Variants in AGAP4 observed in about 807,000 individuals in gnomAD.
The protein encoded by AGAP4 is arf-GAP with GTPase, ANK repeat and PH domain-containing protein 4.
AGAP4 carries 13 observed loss-of-function variants against 60.7 expected under a neutral mutation model. The observed-to-expected ratio is 0.21, with a 90% CI of 0.14 to 0.34. AGAP4 has a LOEUF of 0.34. AGAP4 is among the 10% of genes least tolerant of loss of function. AGAP4 has a pLI of 1.00. For missense variants in AGAP4, 169 were observed against 884.0 expected, an observed-to-expected ratio of 0.19 and a Z score of 10.26; for synonymous variants, 70 against 339.0, an observed-to-expected ratio of 0.21 and a Z score of 8.72.
chr10:45,842,608 C>G (rs2058937267), intron 3 of AGAP4, among the ~76,000 whole-genome samples: 1 of 149,058 alleles, frequency 6.7e-6, no homozygotes, highest in Admixed American at 6.6e-5. Context: ...CACAAAAAAT[C>G]ATTTTTTTTC....
Position 45,834,008 on chromosome 10 carries a change from G to A in AGAP4, c.497+8C>T. On this transcript the variant is annotated splice_region_variant and intron_variant, in intron 5 of 7. Transcript: ENST00000616763. ...GAATCTGTCCCTCGGCAGCATAGTT[G>A]TACTCACGATATTATTGTCATTGTA... 1.9e-6 allele frequency: 3 copies of A among 1,548,406 alleles called. No homozygotes were observed. The highest frequency in any genetic ancestry group is 2.3e-5 in the South Asian group (2 of 88,832).
intron 4 of AGAP4, among the ~76,000 whole-genome samples, chr10:45,837,684 G>A (rs2058844853): frequency 6.6e-6 from 1 of 151,662 alleles, no homozygotes. Context: ...GAATGAAACT[G>A]GATCCTCAAC....
chr10:45,852,233 A>C (rs1240045947), upstream of AGAP4, among the ~76,000 whole-genome samples: 36 of 143,560 alleles, frequency 2.5e-4, no homozygotes, highest in Non-Finnish European at 4.5e-4. Context: ...AAAAAAAAAA[A>C]AAAAAAAAAA....
chr10:45,836,214 TTCCCAA>T, intron 4 of AGAP4, among the ~76,000 whole-genome samples: 1 of 151,058 alleles, frequency 6.6e-6, no homozygotes, highest in South Asian at 2.1e-4. Flanking sequence ...GTTAGGTCTA[TTCCCAA>T]GTATTTTATT....
chr10:45,837,933 G>A (rs1398233692), intron 4 of AGAP4, among the ~76,000 whole-genome samples: 7 of 145,930 alleles, frequency 4.8e-5, no homozygotes, highest in South Asian at 4.3e-4. Flanking sequence ...CCACAGAGTG[G>A]GAGGAAATCT....
At chr10:45,837,686 A>G (rs1439499531) in intron 4 of AGAP4, among the ~76,000 whole-genome samples, 3 of 151,728 alleles carry the variant, frequency 2.0e-5, no homozygotes, top group African/African-American at 7.3e-5. Flanking sequence ...ATGAAACTGG[A>G]TCCTCAACTC....
At chr10:45,850,821 A>G (rs1280608025), upstream of AGAP4, among the ~76,000 whole-genome samples, 1 of 151,694 alleles carries the variant, frequency 6.6e-6, no homozygotes, top group African/African-American at 2.4e-5. Flanking sequence ...GGAGGAAAAG[A>G]CAGTTTTTTA....
chr10:45,830,306 G>A (rs1222487871), intron 6 of AGAP4, among the ~76,000 whole-genome samples: 13 of 135,952 alleles, frequency 9.6e-5, no homozygotes, highest in African/African-American at 3.5e-4. Context: ...CCAAGTAACT[G>A]GGACTACAGG....
intron 2 of AGAP4, among the ~76,000 whole-genome samples, chr10:45,846,072 A>G (rs2058994119): frequency 7.1e-6 from 1 of 140,556 alleles, no homozygotes. Flanking sequence ...ATGTCTTTTG[A>G]AAGTTTTGAC....
chr10:45,842,696 T>C (rs1445858473), intron 3 of AGAP4, among the ~76,000 whole-genome samples: 4 of 141,900 alleles, frequency 2.8e-5, no homozygotes, highest in Non-Finnish European at 4.5e-5. Flanking sequence ...CCTCTGCCTT[T>C]GATGCTGGGA....
At position 45,844,568 on chromosome 10, in the gene AGAP4, G is replaced by C. The variant is rs1244896460; in HGVS notation, c.293-174C>G. The C allele has an allele frequency of 3.6e-6, 4 of 1,117,756 alleles. No homozygotes were observed. In the African/African-American group the frequency reaches 7.0e-5, roughly 20 times the overall value. The allele number at this position is 1,117,756 out of a possible 1,614,324, so 69.2% of individuals were successfully genotyped here. ...CCAGGCAAGATGGCACATGCTTGTA[G>C]TCCCAGCTACTCAGGAGGCTGAGAT... On this transcript the variant is annotated intron_variant, in intron 2 of 7. Transcript: ENST00000616763.
At chr10:45,848,782 C>G (rs1554899958), upstream of AGAP4, 1 of 151,972 alleles carries the variant, frequency 6.6e-6, no homozygotes, top group Non-Finnish European at 1.5e-5. Flanking sequence ...TTTCACATGG[C>G]TGGGGAGGCC....
intron 4 of AGAP4, among the ~76,000 whole-genome samples, chr10:45,839,641 C>A (rs2058885356): frequency 8.8e-6 from 1 of 113,680 alleles, no homozygotes; most frequent in Non-Finnish European, 1.9e-5. Flanking sequence ...CCAGATAATA[C>A]ACTGAGGTCT....
At chr10:45,848,740 A>AT (rs1157107358), upstream of AGAP4, 8 of 152,392 alleles carry the variant, frequency 5.2e-5, no homozygotes, top group African/African-American at 1.9e-4. Context: ...AGGTTGGGTA[A>AT]TTTTTAAAGG....
At chr10:45,848,588 G>C (rs1238019353), upstream of AGAP4, among the ~76,000 whole-genome samples, 1 of 151,998 alleles carries the variant, frequency 6.6e-6, no homozygotes, top group Non-Finnish European at 1.5e-5. Context: ...GACGGAGAAG[G>C]TAAGCAACCT....
At chr10:45,844,558 C>G in intron 2 of AGAP4, 164 bp from the exon 3 acceptor site, 1 of 1,276,330 alleles carries the variant, frequency 7.8e-7, no homozygotes, top group South Asian at 1.5e-5. Flanking sequence ...CAAGATGGCA[C>G]ATGCTTGTAG....
chr10:45,838,165 G>A (rs1354794337), intron 4 of AGAP4, among the ~76,000 whole-genome samples: 1 of 149,740 alleles, frequency 6.7e-6, no homozygotes, highest in Non-Finnish European at 1.5e-5. Context: ...ATGGAAGTAA[G>A]ACTATTATTC....
intron 4 of AGAP4, among the ~76,000 whole-genome samples, chr10:45,834,852 C>A (rs1484402111): frequency 2.0e-5 from 3 of 146,392 alleles, no homozygotes; most frequent in Non-Finnish European, 2.9e-5. Flanking sequence ...CGGCTCACTG[C>A]AAGCTCCGCC....
chr10:45,831,393 C>T lies in AGAP4; in HGVS notation c.533+1G>A. The stretch of plus-strand genomic sequence containing the variant: ...ACAAGACAGGTTTCTAAAAAGCTCA[C>T]CTTTGTGTGATATGATGAGGTATCT... On this transcript the variant is annotated splice_donor_variant, in intron 6 of 7. Transcript: ENST00000616763. LOFTEE classifies it high-confidence loss of function. 6.3e-7 allele frequency: 1 copy of T among 1,585,590 alleles called. No homozygotes were observed. Among genetic ancestry groups the T allele is most frequent in the Non-Finnish European group, 8.5e-7 (1 of 1,170,986 alleles).
Sources: allele counts gnomAD v4.1 joint callset (sites outside exome capture counted in the v4.1 genomes callset), GRCh38; gene constraint gnomAD v4.1.1; transcripts MANE v1.5; gene names NCBI Gene and HGNC (gene_info 2026-07-23, HGNC 2026-07-21).